The following PTPRD variants were observed in gnomAD, a reference collection of about 807,000 sequenced individuals.
The protein encoded by PTPRD is protein tyrosine phosphatase receptor type D.
PTPRD carries 34 observed loss-of-function variants against 214.5 expected under a neutral mutation model. That is an observed-to-expected ratio of 0.16 (90% CI 0.12 to 0.21). PTPRD has a LOEUF of 0.21. PTPRD is among the 10% of genes least tolerant of loss of function. The pLI is 1.00. For missense variants in PTPRD, 2,545 were observed against 2,398.7 expected, an observed-to-expected ratio of 1.06 and a Z score of -1.27; for synonymous variants, 1,128 against 845.7, an observed-to-expected ratio of 1.33 and a Z score of -5.79.
chr9:10,281,634 A>G (rs1338191869), intron 3 of PTPRD, among the ~76,000 whole-genome samples: 1 of 152,188 alleles, frequency 6.6e-6, no homozygotes, highest in African/African-American at 2.4e-5. Context: ...CAAAATTTAG[A>G]CTGAGCTAGT....
intron 11 of PTPRD, among the ~76,000 whole-genome samples, chr9:8,747,936 G>A (rs1157034157): frequency 2.6e-5 from 4 of 152,142 alleles, no homozygotes; most frequent in South Asian, 2.1e-4. Flanking sequence ...CTTGTTAAGT[G>A]TGTCTCTTCC....
chr9:8,763,476 G>A (rs1476347511), intron 11 of PTPRD, among the ~76,000 whole-genome samples: 1 of 151,964 alleles, frequency 6.6e-6, no homozygotes, highest in East Asian at 1.9e-4. Flanking sequence ...TCACGCCACT[G>A]CACTCCAGCC....
At chr9:9,477,088 T>C (rs1227160981) in intron 8 of PTPRD, among the ~76,000 whole-genome samples, 1 of 152,164 alleles carries the variant, frequency 6.6e-6, no homozygotes, top group African/African-American at 2.4e-5. Flanking sequence ...AGGTACTATT[T>C]ACCTGCAGTC....
chr9:8,941,280 C>A (rs2154294912), intron 11 of PTPRD, among the ~76,000 whole-genome samples: 1 of 152,188 alleles, frequency 6.6e-6, no homozygotes, highest in East Asian at 1.9e-4. Flanking sequence ...AAAGTAAAAG[C>A]TTTACTAAAC....
chr9:10,133,449 T>C (rs561050496), intron 3 of PTPRD, among the ~76,000 whole-genome samples: 1 of 152,224 alleles, frequency 6.6e-6, no homozygotes, highest in Non-Finnish European at 1.5e-5. Flanking sequence ...CAGATACATA[T>C]ATGAATATAA....
chr9:8,524,717 T>C, intron 18 of PTPRD: 1 of 699,896 alleles, frequency 1.4e-6, no homozygotes, highest in Non-Finnish European at 2.6e-6. Flanking sequence ...ACTCCAAGCC[T>C]CAGGACAGAT....
At chr9:10,292,585 G>C (rs549540174) in intron 3 of PTPRD, among the ~76,000 whole-genome samples, 1 of 152,058 alleles carries the variant, frequency 6.6e-6, no homozygotes, top group African/African-American at 2.4e-5. Context: ...TAACATAAGA[G>C]AGGAACCAAC....
chr9:9,804,374 C>A (rs1047186782), intron 5 of PTPRD, among the ~76,000 whole-genome samples: 1 of 152,032 alleles, frequency 6.6e-6, no homozygotes, highest in Non-Finnish European at 1.5e-5. Flanking sequence ...AATGTATCAG[C>A]ACACAGGAAA....
chr9:8,482,276 G>C (rs577041787), intron 30 of PTPRD, among the ~76,000 whole-genome samples: 1 of 133,632 alleles, frequency 7.5e-6, no homozygotes, highest in Non-Finnish European at 1.6e-5. Flanking sequence ...CATTAAAGCA[G>C]CTACCAATAA....
At chr9:8,406,846 A>G (rs943718293) in intron 35 of PTPRD, among the ~76,000 whole-genome samples, 4 of 152,188 alleles carry the variant, frequency 2.6e-5, no homozygotes, top group African/African-American at 9.6e-5. Context: ...TCCACTTTAT[A>G]CTGATGAACA....
intron 9 of PTPRD, among the ~76,000 whole-genome samples, chr9:9,325,014 T>C (rs1315999926): frequency 6.6e-6 from 1 of 152,218 alleles, no homozygotes; most frequent in African/African-American, 2.4e-5. Flanking sequence ...ATGTGTGGTA[T>C]TACTTCTGAG....
chr9:8,376,661 C>G lies in PTPRD; in HGVS notation c.4452G>C (p.Leu1484=). The G allele has an allele frequency of 6.2e-7, 1 of 1,613,130 alleles. No individual in the cohort carries two copies. Among genetic ancestry groups the G allele is most frequent in the Non-Finnish European group, 8.5e-7 (1 of 1,179,388 alleles). The part of the protein sequence containing the change: ...TETHGLVQVT[L]LDTVELATYC... Reference sequence around the variant, plus strand: ...ATGTGGCCAGCTCCACAGTATCAAGCAGCGTTACTTGAACGAGTCCGTGGG... The same window carrying G: ...ATGTGGCCAGCTCCACAGTATCAAGGAGCGTTACTTGAACGAGTCCGTGGG... The change falls in exon 38 of 46, where the codon CTG becomes CTC. Residue 1484 remains leucine (L), a synonymous_variant. Transcript: ENST00000381196.
intron 5 of PTPRD, among the ~76,000 whole-genome samples, chr9:9,896,368 C>T (rs1362614307): frequency 6.6e-6 from 1 of 151,936 alleles, no homozygotes; most frequent in Non-Finnish European, 1.5e-5. Flanking sequence ...TTTTCAGCTT[C>T]AAATCATTTT....
At chr9:9,433,944 C>T (rs72704610) in intron 8 of PTPRD, among the ~76,000 whole-genome samples, 9,476 of 152,122 alleles carry the variant, frequency 0.062, 338 homozygotes, top group Middle Eastern at 0.17. Context: ...AAAAACGCAG[C>T]GCAGTTTTCT....
chr9:10,441,745 T>C (rs2098760173), intron 2 of PTPRD, among the ~76,000 whole-genome samples: 2 of 151,538 alleles, frequency 1.3e-5, no homozygotes, highest in Admixed American at 6.6e-5. Flanking sequence ...AGTTAATAAA[T>C]CAAAATAAAT....
At chr9:8,790,324 A>G (rs1287734552) in intron 11 of PTPRD, among the ~76,000 whole-genome samples, 1 of 151,872 alleles carries the variant, frequency 6.6e-6, no homozygotes, top group East Asian at 1.9e-4. Flanking sequence ...CCTCATTTAT[A>G]AAAAAATAAA....
At chr9:8,367,124 A>C (rs2080128468) in intron 39 of PTPRD, among the ~76,000 whole-genome samples, 2 of 152,204 alleles carry the variant, frequency 1.3e-5, no homozygotes, top group African/African-American at 4.8e-5. Flanking sequence ...TTTCTTTTCA[A>C]GTAATGAGCC....
At chr9:10,371,668 C>T (rs2097622869) in intron 2 of PTPRD, among the ~76,000 whole-genome samples, 1 of 152,054 alleles carries the variant, frequency 6.6e-6, no homozygotes, top group African/African-American at 2.4e-5. Context: ...GAGATCATCT[C>T]AGAACATCTT....
chr9:9,331,456 A>G (rs2042286869), intron 9 of PTPRD, among the ~76,000 whole-genome samples: 1 of 152,094 alleles, frequency 6.6e-6, no homozygotes, highest in South Asian at 2.1e-4. Flanking sequence ...AATCCTATCA[A>G]TTGAAACTGG....
Sources: allele counts gnomAD v4.1 joint callset (sites outside exome capture counted in the v4.1 genomes callset), GRCh38; gene constraint gnomAD v4.1.1; transcripts MANE v1.5; gene names NCBI Gene and HGNC (gene_info 2026-07-23, HGNC 2026-07-21).